The following NR5A2 variants were observed in gnomAD, a reference collection of about 807,000 sequenced individuals.
NR5A2 encodes nuclear receptor subfamily 5 group A member 2.
A neutral mutation model predicts 62.7 loss-of-function variants in NR5A2; 26 were observed. The ratio of observed to expected loss-of-function variants is 0.41; its 90% CI spans 0.30 to 0.58. The LOEUF (loss-of-function observed/expected upper bound fraction) is 0.58. Ranked by LOEUF, NR5A2 falls within the 20% of genes least tolerant of loss-of-function variation. NR5A2 has a pLI of 0.22. For synonymous variants in NR5A2, 246 were observed against 241.7 expected (o/e 1.02, Z -0.16); for missense variants, 541 against 669.1 (o/e 0.81, Z 2.11).
intron 7 of NR5A2, among the ~76,000 whole-genome samples, chr1:200,125,824 G>A (rs1031274148): frequency 6.6e-6 from 1 of 152,106 alleles, no homozygotes; most frequent in Non-Finnish European, 1.5e-5. Context: ...GACCTTCAGG[G>A]CTTGAAAGAA....
intron 5 of NR5A2, among the ~76,000 whole-genome samples, chr1:200,095,634 G>C (rs943197102): frequency 5.3e-5 from 8 of 151,416 alleles, no homozygotes; most frequent in African/African-American, 1.9e-4. Context: ...CTCACTCCAA[G>C]CTCCACCTCC....
At chr1:200,150,580 T>C (rs1471487800) in intron 7 of NR5A2, among the ~76,000 whole-genome samples, 1 of 152,184 alleles carries the variant, frequency 6.6e-6, no homozygotes, top group African/African-American at 2.4e-5. Flanking sequence ...GAAAGTTCAG[T>C]GTAGGTATAA....
chr1:200,068,212 T>C (rs902168216), intron 5 of NR5A2, among the ~76,000 whole-genome samples: 1 of 152,224 alleles, frequency 6.6e-6, no homozygotes, highest in Non-Finnish European at 1.5e-5. Context: ...CAAGCTATAG[T>C]CTTTCCAAGG....
chr1:200,163,683 T>G (rs1311018449), intron 7 of NR5A2, among the ~76,000 whole-genome samples: 1 of 152,136 alleles, frequency 6.6e-6, no homozygotes, highest in African/African-American at 2.4e-5. Context: ...TTTCTCCATG[T>G]TGGCCAGGCT....
At chr1:200,081,783 A>G (rs1205463201) in intron 5 of NR5A2, among the ~76,000 whole-genome samples, 1 of 148,110 alleles carries the variant, frequency 6.8e-6, no homozygotes, top group Non-Finnish European at 1.5e-5. Flanking sequence ...TTTTTTTTTA[A>G]CAGCAATAGA....
chr1:200,095,810 C>T (rs913821182), intron 5 of NR5A2, among the ~76,000 whole-genome samples: 2 of 152,138 alleles, frequency 1.3e-5, no homozygotes, highest in African/African-American at 4.8e-5. Context: ...CCTTGGCCTC[C>T]CAAAGTGCTG....
chr1:200,056,652 G>C (rs1662928644), intron 5 of NR5A2, among the ~76,000 whole-genome samples: 1 of 152,102 alleles, frequency 6.6e-6, no homozygotes, highest in South Asian at 2.1e-4. Context: ...CAGCGTAGTT[G>C]AGCACTAATA....
intron 7 of NR5A2, among the ~76,000 whole-genome samples, chr1:200,166,620 A>G (rs1653914912): frequency 6.6e-6 from 1 of 152,144 alleles, no homozygotes; most frequent in Admixed American, 6.6e-5. Context: ...CAATAGGGGA[A>G]AAAAAACTCC....
At chr1:200,064,240 T>C (rs1314299371) in intron 5 of NR5A2, among the ~76,000 whole-genome samples, 2 of 152,088 alleles carry the variant, frequency 1.3e-5, no homozygotes, top group South Asian at 2.1e-4. Context: ...CCTCCTGACA[T>C]TGATGCGGCA....
intron 5 of NR5A2, among the ~76,000 whole-genome samples, chr1:200,065,213 C>T (rs1291450032): frequency 1.3e-5 from 2 of 152,138 alleles, no homozygotes; most frequent in Admixed American, 1.3e-4. Context: ...GTGGTGTGAT[C>T]TTGGCTCACT....
At chr1:200,149,446 C>G (rs917130604) in intron 7 of NR5A2, among the ~76,000 whole-genome samples, 3 of 152,218 alleles carry the variant, frequency 2.0e-5, no homozygotes, top group African/African-American at 7.2e-5. Flanking sequence ...GCTGCCGAGG[C>G]TAACAGCCTC....
At chr1:200,157,629 TTCTG>T (rs1230257325) in intron 7 of NR5A2, among the ~76,000 whole-genome samples, 3 of 152,244 alleles carry the variant, frequency 2.0e-5, no homozygotes, top group Non-Finnish European at 4.4e-5. Flanking sequence ...AATATGGATT[TTCTG>T]TCTTTCATAT....
chr1:200,127,709 A>AATATATATATATATAT (rs71132667), intron 7 of NR5A2, among the ~76,000 whole-genome samples: 72 of 23,166 alleles, frequency 3.1e-3, no homozygotes, highest in African/African-American at 9.8e-3. Flanking sequence ...AAAAAAAAAA[A>AATATATATATATATAT]ATATATATAT....
intron 5 of NR5A2, among the ~76,000 whole-genome samples, chr1:200,107,817 G>C (rs1665760460): frequency 6.7e-6 from 1 of 150,034 alleles, no homozygotes; most frequent in African/African-American, 2.5e-5. Flanking sequence ...TTTTTTAAGA[G>C]ACGGGGTTTC....
intron 5 of NR5A2, among the ~76,000 whole-genome samples, chr1:200,079,249 A>G (rs963259081): frequency 3.3e-5 from 5 of 152,150 alleles, no homozygotes; most frequent in African/African-American, 1.2e-4. Flanking sequence ...ATCTCTGGCG[A>G]TATTTTTCTC....
chr1:200,165,223 G>A (rs1653843198), intron 7 of NR5A2, among the ~76,000 whole-genome samples: 1 of 151,908 alleles, frequency 6.6e-6, no homozygotes, highest in South Asian at 2.1e-4. Context: ...AAGGTACAGA[G>A]ACTCCCCACA....
chr1:200,116,434 T>A (rs1039121522), intron 6 of NR5A2, among the ~76,000 whole-genome samples: 1 of 152,066 alleles, frequency 6.6e-6, no homozygotes, highest in African/African-American at 2.4e-5. Flanking sequence ...AGAAGAAATA[T>A]AAAATAGCAC....
intron 7 of NR5A2, among the ~76,000 whole-genome samples, chr1:200,138,538 A>G (rs1422383905): frequency 2.6e-5 from 4 of 152,174 alleles, no homozygotes; most frequent in Non-Finnish European, 5.9e-5. Context: ...TTCCAAGTGT[A>G]TTAAGGCCTT....
rs2102356473 is a variant in NR5A2 at position 200,147,394 on chromosome 1, CTG to C, written c.1378+26441_1378+26442del. The C allele has an allele frequency of 5.0e-6, 2 of 399,316 alleles. No individual in the cohort carries two copies. Among genetic ancestry groups the C allele is most frequent in the Non-Finnish European group, 9.6e-6 (2 of 208,352 alleles). The allele number at this position is 399,316 out of a possible 1,614,324, so 24.7% of individuals were successfully genotyped here. The stretch of plus-strand genomic sequence containing the variant: ...AGGCCACCTTAGTTCCTCTCGGAGT[CTG>C]TATGGGTCTGGGCGAGATGCAGGCA... On this transcript the variant is annotated intron_variant, in intron 7 of 7. Coordinates refer to ENST00000367362, the MANE Select transcript of NR5A2 (RefSeq NM_205860.3). This position sits in a 1 kb window ranked among gnomAD's most constrained non-coding sequence, Gnocchi z 4.9.
Sources: allele counts gnomAD v4.1 joint callset (sites outside exome capture counted in the v4.1 genomes callset), GRCh38; gene constraint gnomAD v4.1.1; non-coding constraint Gnocchi (gnomAD v3.1); transcripts MANE v1.5; gene names NCBI Gene and HGNC (gene_info 2026-07-23, HGNC 2026-07-21).